Variants in CDH23 observed in about 807,000 individuals in gnomAD.
CDH23 encodes cadherin-23.
A neutral mutation model predicts 317.1 loss-of-function variants in CDH23; 189 were observed. The ratio of observed to expected loss-of-function variants is 0.60; its 90% CI spans 0.53 to 0.67. The LOEUF (loss-of-function observed/expected upper bound fraction) is 0.67, where lower values mean the gene tolerates loss of function less well. CDH23 is among the 30% of genes least tolerant of loss of function. The pLI is 0.00. For synonymous variants in CDH23, 1,839 were observed against 1,876.8 expected (o/e 0.98, Z 0.52); for missense variants, 4,401 against 4,592.4 (o/e 0.96, Z 1.20).
intron 55 of CDH23, 75 bp downstream of exon 55, chr10:71,803,495 C>G: frequency 7.4e-7 from 1 of 1,357,466 alleles, no homozygotes; most frequent in Non-Finnish European, 1.0e-6. Context: ...GTGGAAGCAC[C>G]CCACTCTAAA....
At chr10:71,461,999 C>A (rs889506306) in intron 3 of CDH23, among the ~76,000 whole-genome samples, 1 of 152,254 alleles carries the variant, frequency 6.6e-6, no homozygotes. Context: ...TCCTCCATCA[C>A]CCGCCTGGTC....
intron 9 of CDH23, among the ~76,000 whole-genome samples, chr10:71,606,533 T>G (rs1238511736): frequency 6.6e-6 from 1 of 152,226 alleles, no homozygotes; most frequent in East Asian, 1.9e-4. Flanking sequence ...ACATTCCTGC[T>G]GTGGCCCATT....
intron 1 of CDH23, among the ~76,000 whole-genome samples, chr10:71,425,619 G>A (rs1849041508): frequency 6.6e-6 from 1 of 152,140 alleles, no homozygotes; most frequent in Non-Finnish European, 1.5e-5. Flanking sequence ...GTGGGCAGTT[G>A]CATGCTGTTT....
chr10:71,615,659 C>A, intron 10 of CDH23, 43 bp downstream of exon 10: 1 of 1,409,540 alleles, frequency 7.1e-7, no homozygotes. Context: ...AGAGGAGATG[C>A]CCCTACTCGG....
intron 1 of CDH23, among the ~76,000 whole-genome samples, chr10:71,434,692 A>G (rs1387501604): frequency 6.6e-6 from 1 of 151,560 alleles, no homozygotes; most frequent in Non-Finnish European, 1.5e-5. Context: ...GCTGCTCTAA[A>G]TCTGAGAAAT....
At chr10:71,549,328 T>C (rs1038035176) in intron 6 of CDH23, among the ~76,000 whole-genome samples, 7 of 152,188 alleles carry the variant, frequency 4.6e-5, no homozygotes, top group East Asian at 1.9e-4. Flanking sequence ...AAGTGAATGA[T>C]AAGACTGACC....
intron 30 of CDH23, among the ~76,000 whole-genome samples, chr10:71,729,304 G>T (rs1252700153): frequency 6.6e-6 from 1 of 152,216 alleles, no homozygotes; most frequent in African/African-American, 2.4e-5. Context: ...ACAAGGATTG[G>T]TGTGAAAGTA....
At chr10:71,448,506 C>T (rs1405003800) in intron 3 of CDH23, among the ~76,000 whole-genome samples, 2 of 152,180 alleles carry the variant, frequency 1.3e-5, no homozygotes, top group Non-Finnish European at 2.9e-5. Context: ...TCTCTCTAGG[C>T]AGGGGGTGGG....
At chr10:71,745,401 G>C (rs963359416) in intron 38 of CDH23, among the ~76,000 whole-genome samples, 1 of 152,180 alleles carries the variant, frequency 6.6e-6, no homozygotes, top group Non-Finnish European at 1.5e-5. Flanking sequence ...GGTGGTTTAG[G>C]CCCGGGGCTG....
At chr10:71,541,946 C>G (rs1856010883) in intron 6 of CDH23, among the ~76,000 whole-genome samples, 2 of 152,162 alleles carry the variant, frequency 1.3e-5, no homozygotes, top group Admixed American at 1.3e-4. Flanking sequence ...TCATTCTTTG[C>G]TGGTGGTTTC....
chr10:71,431,059 C>T lies in CDH23; in HGVS notation c.-5-8768C>T, dbSNP rs539882178. On this transcript the variant is annotated intron_variant, in intron 1 of 69. Coordinates refer to ENST00000224721, the MANE Select transcript of CDH23 (RefSeq NM_022124.6). ...AACATACAGAACTTCTGGAATGAGA[C>T]CTTGAGCGTTGCCTCTGGGAAGGAG... is the stretch of plus-strand genomic sequence containing the variant. Among the ~76,000 whole-genome samples the T allele has an allele frequency of 2.0e-5, 3 of 152,346 alleles. No homozygotes were observed. The South Asian group carries it at 6.2e-4, about 32-fold the overall frequency.
rs377259987 is a variant in CDH23, at chr10:71,709,153, C to G, written c.3162C>G (p.Thr1054=). 200 of 1,613,860 alleles carry G rather than the reference C, an allele frequency of 1.2e-4. No homozygotes were observed. Among genetic ancestry groups the G allele is most frequent in the Non-Finnish European group, 1.7e-4 (195 of 1,179,906 alleles). The part of the protein sequence containing the change: ...SVGYRDAVVR[T]VVGLDRETTA... ...GTTACCGCGATGCCGTTGTGAGAAC[C>G]GTGGTGGGCCTGGACCGGGAGACCA... Residue 1054 remains threonine (T), a synonymous_variant, in exon 27 of 70, where the codon ACC becomes ACG. Coordinates refer to ENST00000224721, the MANE Select transcript of CDH23 (RefSeq NM_022124.6).
At chr10:71,756,051 C>T (rs1203085715) in intron 38 of CDH23, among the ~76,000 whole-genome samples, 1 of 152,152 alleles carries the variant, frequency 6.6e-6, no homozygotes, top group Non-Finnish European at 1.5e-5. Flanking sequence ...TCTAGAACCC[C>T]TTGATCTCAC....
intron 6 of CDH23, among the ~76,000 whole-genome samples, chr10:71,563,265 G>T (rs1028300541): frequency 6.6e-6 from 1 of 152,110 alleles, no homozygotes; most frequent in African/African-American, 2.4e-5. Flanking sequence ...TGGACTAGAT[G>T]ACCCCAAGGT....
intron 18 of CDH23, 30 bp from the exon 19 acceptor site, chr10:71,687,617 C>A (rs1390434937): frequency 9.3e-6 from 15 of 1,609,684 alleles, no homozygotes; most frequent in Non-Finnish European, 1.1e-5. Flanking sequence ...CTCCCTGCAG[C>A]CTCCTGCAAC....
Position 71,793,182 on chromosome 10 carries a change from G to T in CDH23, c.6254G>T (p.Gly2085Val), listed in dbSNP as rs1291793726. The T allele has an allele frequency of 5.0e-6, 8 of 1,609,188 alleles. No individual in the cohort carries two copies. The highest frequency in any genetic ancestry group is 1.7e-5 in the Admixed American group (1 of 59,552). ...TVHLLENCPP[G>V]FSVLQVTATD... ...CTACTCCCTTTTCCCTCTCCAACAG[G>T]ATTCTCAGTCCTTCAAGTCACAGCC... Residue 2085 changes from glycine (G) to valine (V), a missense_variant and splice_region_variant, in exon 48 of 70, where the codon GGA becomes GTA. Around this residue, in one of 3 missense-constraint regions of CDH23, gnomAD observed 3,068 missense variants for 3,203.3 expected, o/e 0.96. Transcript: ENST00000224721.
At chr10:71,672,034 G>A (rs535692991) in intron 14 of CDH23, among the ~76,000 whole-genome samples, 10 of 152,182 alleles carry the variant, frequency 6.6e-5, no homozygotes, top group African/African-American at 2.4e-4. Flanking sequence ...CTGCCCTCTG[G>A]GAGCCACATC....
chr10:71,761,066 C>T, intron 38 of CDH23: 1 of 771,160 alleles, frequency 1.3e-6, no homozygotes, highest in Admixed American at 2.1e-5. Context: ...GCAGCCTGCA[C>T]ACGTGTGCAC....
At chr10:71,790,998 T>C (rs1023052374) in intron 46 of CDH23, 134 bp from the exon 47 acceptor site, 1 of 699,908 alleles carries the variant, frequency 1.4e-6, no homozygotes, top group Admixed American at 2.4e-5. Flanking sequence ...ATTTTGTTAC[T>C]GCCTCTGCTC....
Sources: allele counts gnomAD v4.1 joint callset (sites outside exome capture counted in the v4.1 genomes callset), GRCh38; gene constraint gnomAD v4.1.1; regional missense constraint gnomAD v4.1.1; transcripts MANE v1.5; gene names NCBI Gene and HGNC (gene_info 2026-07-23, HGNC 2026-07-21).